The following RIBC2 variants were observed in gnomAD, a reference collection of about 807,000 sequenced individuals.
RIBC2 encodes RIB43A domain with coiled-coils 2.
Under a neutral mutation model 44.3 loss-of-function variants are expected in RIBC2, and 40 were observed. The ratio of observed to expected loss-of-function variants is 0.90; its 90% CI spans 0.70 to 1.18. The LOEUF is 1.18. Among genes scored for constraint, RIBC2 ranks in the 50% most tolerant of loss-of-function variants. The pLI is 0.00. For missense variants in RIBC2, 459 were observed against 485.5 expected (o/e 0.95, Z 0.51); for synonymous variants, 171 against 175.0 (o/e 0.98, Z 0.18).
intron 5 of RIBC2, among the ~76,000 whole-genome samples, chr22:45,426,643 G>A (rs866064488): frequency 2.6e-5 from 4 of 152,224 alleles, no homozygotes; most frequent in Non-Finnish European, 4.4e-5. Context: ...GGCTTCTTCT[G>A]TGACGGAGAC....
At chr22:45,427,174 G>T (rs957068305) in intron 5 of RIBC2, among the ~76,000 whole-genome samples, 27 of 152,174 alleles carry the variant, frequency 1.8e-4, no homozygotes, top group African/African-American at 6.0e-4. Flanking sequence ...AAACAAAATA[G>T]AACTTTCTCT....
chr22:45,416,590 T>TCCCA (rs2087427278), intron 2 of RIBC2, among the ~76,000 whole-genome samples: 1 of 152,106 alleles, frequency 6.6e-6, no homozygotes, highest in Non-Finnish European at 1.5e-5. Context: ...GCCTCCCAAG[T>TCCCA]AGCTGTGACT....
intron 2 of RIBC2, among the ~76,000 whole-genome samples, chr22:45,415,224 A>G (rs1016802416): frequency 2.0e-5 from 3 of 151,104 alleles, no homozygotes; most frequent in African/African-American, 7.3e-5. Context: ...AAGAAATTTC[A>G]GTGTTTTTAA....
chr22:45,413,783 C>T lies in RIBC2; in HGVS notation c.-104C>T, dbSNP rs2087387357. ...AAAACTGCGCTAAAGGCTTGTCTTT[C>T]CCCTGCCCGACCGAAGGAGCCGACC... On this transcript the variant is annotated 5_prime_UTR_variant, in exon 1 of 7. Transcript: ENST00000614167. 9.1e-6 allele frequency: 13 copies of T among 1,432,988 alleles called. No homozygotes were observed. Among genetic ancestry groups the T allele is most frequent in the Non-Finnish European group, 1.2e-5 (13 of 1,074,572 alleles). 88.8% of individuals were successfully genotyped at this position (1,432,988 alleles called of 1,614,324 possible).
intron 3 of RIBC2, among the ~76,000 whole-genome samples, chr22:45,421,597 ATTATTAATAATAATAATG>A (rs2087485415): frequency 7.7e-6 from 1 of 129,244 alleles, no homozygotes; most frequent in African/African-American, 3.1e-5. Context: ...TAATAATAGT[ATTATTAATAATAATAATG>A]TTATTATTCT....
chr22:45,430,778 T>A (rs921130594), intron 5 of RIBC2, 122 bp from the exon 6 acceptor site: 2 of 1,253,462 alleles, frequency 1.6e-6, no homozygotes, highest in Non-Finnish European at 2.2e-6. Context: ...GTCACCTACC[T>A]GCTCGTCCTC....
intron 1 of RIBC2, 104 bp downstream of exon 1, chr22:45,414,119 G>T: frequency 6.7e-7 from 1 of 1,497,518 alleles, no homozygotes; most frequent in Non-Finnish European, 8.9e-7. Context: ...TCTGAGCCAG[G>T]AGGCAGCAAA....
At chr22:45,421,565 T>TTAATAATATTAATAA (rs1300290447) in intron 3 of RIBC2, among the ~76,000 whole-genome samples, 7 of 116,862 alleles carry the variant, frequency 6.0e-5, no homozygotes, top group East Asian at 2.4e-4. Context: ...AATAGTATTA[T>TTAATAATATTAATAA]TAATAATAGT....
At chr22:45,414,620 A>G (rs1262076457) in intron 2 of RIBC2, among the ~76,000 whole-genome samples, 2 of 152,030 alleles carry the variant, frequency 1.3e-5, no homozygotes, top group Non-Finnish European at 2.9e-5. Context: ...AACTACAGGC[A>G]TGAGCCACGG....
chr22:45,431,209 G>A, intron 6 of RIBC2, 143 bp downstream of exon 6: 4 of 1,017,378 alleles, frequency 3.9e-6, no homozygotes, highest in Non-Finnish European at 5.6e-6. Flanking sequence ...CCTCAAGTGG[G>A]CTGGCTTGGG....
chr22:45,426,715 C>A (rs2087537869), intron 5 of RIBC2, among the ~76,000 whole-genome samples: 1 of 152,114 alleles, frequency 6.6e-6, no homozygotes, highest in Non-Finnish European at 1.5e-5. Context: ...TGAACAGGAT[C>A]CCCAGCGTGA....
intron 3 of RIBC2, among the ~76,000 whole-genome samples, chr22:45,421,544 TTAA>T (rs1213775385): frequency 0.012 from 1,379 of 113,200 alleles, 37 homozygotes; most frequent in Middle Eastern, 0.037. Flanking sequence ...ATTAATAATA[TTAA>T]TAATAATAAT....
intron 2 of RIBC2, among the ~76,000 whole-genome samples, chr22:45,417,110 A>G (rs1406048882): frequency 6.6e-6 from 1 of 151,350 alleles, no homozygotes; most frequent in Non-Finnish European, 1.5e-5. Context: ...CATGTTGGTC[A>G]GGCTGGTCTT....
chr22:45,432,293 T>A lies in RIBC2; in HGVS notation c.1080T>A (p.Tyr360Ter). ...CTCATTTTGTTATCAGGAAAAAATA[T>A]ATGAATGAAGTCTATACAAATCAAC... ...LAKEQHLQKK[Y>*]MNEVYTNQPT... The change falls in exon 7 of 7, where the codon TAT becomes TAA. Residue 360 changes from tyrosine to a stop codon, truncating the protein, a stop_gained. Transcript: ENST00000614167. LOFTEE classifies it high-confidence loss of function. The A allele has an allele frequency of 6.4e-7, 1 of 1,552,836 alleles. No individual in the cohort carries two copies. Among genetic ancestry groups the A allele is most frequent in the African/African-American group, 1.4e-5 (1 of 72,482 alleles).
rs749806517 is a variant in RIBC2 at position 45,431,078 on chromosome 22, G to T, written c.1070+12G>T. The T allele has an allele frequency of 1.3e-6, 2 of 1,564,126 alleles. No homozygotes were observed. Among genetic ancestry groups the T allele is most frequent in the African/African-American group, 1.4e-5 (1 of 73,524 alleles). On this transcript the variant is annotated intron_variant, in intron 6 of 6. Transcript: ENST00000614167. ...GAGCAGCATTTGCAGTGAGTGCTGG[G>T]TGGGACCAGGGCCAGGTGGGGGACC...
At chr22:45,424,881 A>G (rs1985377) in intron 4 of RIBC2, among the ~76,000 whole-genome samples, 93,086 of 150,666 alleles carry the variant, frequency 0.62, 30,964 homozygotes, top group African/African-American at 0.88. Flanking sequence ...TCAGCCTCCC[A>G]AGTAGCTGGG....
chr22:45,423,436 G>A (rs1269638344), intron 4 of RIBC2, among the ~76,000 whole-genome samples: 1 of 152,190 alleles, frequency 6.6e-6, no homozygotes, highest in East Asian at 1.9e-4. Flanking sequence ...AGGCTGTGCA[G>A]GATCTGTGGG....
chr22:45,423,456 A>T (rs2087505668), intron 4 of RIBC2, among the ~76,000 whole-genome samples: 1 of 152,200 alleles, frequency 6.6e-6, no homozygotes, highest in Admixed American at 6.5e-5. Context: ...GAGAGCAGAT[A>T]CCAGAGCCCT....
At chr22:45,427,439 A>G (rs2087543946) in intron 5 of RIBC2, among the ~76,000 whole-genome samples, 1 of 152,248 alleles carries the variant, frequency 6.6e-6, no homozygotes, top group Non-Finnish European at 1.5e-5. Context: ...AAAGAAGTCA[A>G]GGAAATGCGT....
Sources: allele counts gnomAD v4.1 joint callset (sites outside exome capture counted in the v4.1 genomes callset), GRCh38; gene constraint gnomAD v4.1.1; transcripts MANE v1.5; gene names NCBI Gene and HGNC (gene_info 2026-07-23, HGNC 2026-07-21).